Variants in MTUS1 observed in about 807,000 individuals in gnomAD.
MTUS1 encodes microtubule-associated tumor suppressor 1.
A neutral mutation model predicts 120.8 loss-of-function variants in MTUS1; 109 were observed. The ratio of observed to expected loss-of-function variants is 0.90; its 90% CI spans 0.77 to 1.06. MTUS1 has a LOEUF of 1.06. MTUS1 is among the 50% of genes least tolerant of loss of function. The pLI, the probability that MTUS1 is intolerant of heterozygous loss-of-function variation, is 0.00. For missense variants in MTUS1, 2,210 were observed against 1,486.3 expected (o/e 1.49, Z -8.01); for synonymous variants, 737 against 550.5 (o/e 1.34, Z -4.74).
chr8:17,786,540 C>A (rs76275794), intron 1 of MTUS1, among the ~76,000 whole-genome samples: 9 of 135,792 alleles, frequency 6.6e-5, no homozygotes, highest in African/African-American at 2.3e-4. Context: ...TATCTGCAAG[C>A]GACTCTTTGA....
intron 4 of MTUS1, among the ~76,000 whole-genome samples, chr8:17,717,207 C>G (rs1316831759): frequency 6.6e-6 from 1 of 152,180 alleles, no homozygotes; most frequent in Admixed American, 6.5e-5. Flanking sequence ...TAGGTCAAAT[C>G]AACACAGAGC....
intron 1 of MTUS1, among the ~76,000 whole-genome samples, chr8:17,763,270 G>A (rs967405959): frequency 3.3e-5 from 5 of 152,180 alleles, no homozygotes; most frequent in Non-Finnish European, 7.3e-5. Flanking sequence ...GATTACAGGC[G>A]TGAGCCACCA....
At chr8:17,761,986 C>T (rs1279806324) in intron 1 of MTUS1, among the ~76,000 whole-genome samples, 1 of 152,110 alleles carries the variant, frequency 6.6e-6, no homozygotes, top group Non-Finnish European at 1.5e-5. Flanking sequence ...TTACTAAAAA[C>T]GAAGCAGTTG....
rs138269717 is a variant in MTUS1 at position 17,684,730 on chromosome 8, C to T, written c.2624-188G>A. ...ACGGTTGGAATTCATGAACAGGGAC[C>T]GTGGCTTCATTTATGACTTTAAAAG... On this transcript the variant is annotated intron_variant, in intron 6 of 14. Transcript: ENST00000693296. 1.0e-3 allele frequency among the ~76,000 whole-genome samples: 154 copies of T among 152,240 alleles called. 1 individual carries two copies. Among genetic ancestry groups the T allele is most frequent in the African/African-American group, 3.4e-3 (141 of 41,538 alleles).
In MTUS1 at chr8:17,773,736, C is replaced by G. The variant is rs373153448; in HGVS notation, c.-154-17775G>C. 5.3e-5 allele frequency among the ~76,000 whole-genome samples: 8 copies of G among 152,282 alleles called. No homozygotes were observed. In the East Asian group the frequency reaches 9.6e-4, roughly 18 times the overall value. On this transcript the variant is annotated intron_variant, in intron 1 of 14. Transcript: ENST00000693296. ...ACCTCCCAAAGACTCCACCTCCAAA[C>G]ATATAAAATTTGGGAGTCACATTCA... is the stretch of plus-strand genomic sequence containing the variant.
intron 3 of MTUS1, among the ~76,000 whole-genome samples, chr8:17,733,107 T>C (rs1333453754): frequency 6.6e-6 from 1 of 152,220 alleles, no homozygotes; most frequent in South Asian, 2.1e-4. Context: ...TCCCAGCACT[T>C]TGGAAGGCCG....
At chr8:17,650,970 A>G (rs1354512379) in intron 12 of MTUS1, among the ~76,000 whole-genome samples, 1 of 152,174 alleles carries the variant, frequency 6.6e-6, no homozygotes, top group Non-Finnish European at 1.5e-5. Context: ...CTCTGGACCA[A>G]TCCTTAGGGA....
chr8:17,784,719 G>A (rs920852855), intron 1 of MTUS1, among the ~76,000 whole-genome samples: 1 of 152,062 alleles, frequency 6.6e-6, no homozygotes, highest in Non-Finnish European at 1.5e-5. Context: ...ACAGAATGGG[G>A]GCATTTCTCA....
chr8:17,748,184 C>A (rs2047915317), intron 2 of MTUS1: 2 of 152,158 alleles, frequency 1.3e-5, no homozygotes, highest in South Asian at 4.2e-4. Flanking sequence ...CAGGGTCAGG[C>A]CTGGTTAGTA....
At chr8:17,673,896 T>A (rs1389422268) in intron 8 of MTUS1, among the ~76,000 whole-genome samples, 1 of 152,040 alleles carries the variant, frequency 6.6e-6, no homozygotes, top group Non-Finnish European at 1.5e-5. Flanking sequence ...TCTCCTAGAG[T>A]TGGGTGAACA....
At chr8:17,697,428 T>C in intron 6 of MTUS1, 2 of 1,599,644 alleles carry the variant, frequency 1.3e-6, no homozygotes, top group Non-Finnish European at 1.7e-6. Context: ...TTCCATGGAC[T>C]GTCACATACT....
intron 13 of MTUS1, among the ~76,000 whole-genome samples, chr8:17,648,177 G>C (rs1410014061): frequency 1.3e-5 from 2 of 152,134 alleles, no homozygotes; most frequent in Non-Finnish European, 2.9e-5. Flanking sequence ...TGGGAAAGCT[G>C]TCTTTCTTAG....
chr8:17,653,543 G>C (rs370254370), intron 10 of MTUS1, 45 bp from the exon 11 acceptor site: 3 of 1,375,682 alleles, frequency 2.2e-6, no homozygotes, highest in Admixed American at 1.8e-5. Context: ...CATTCTATGA[G>C]ATCAATGTAC....
intron 1 of MTUS1, among the ~76,000 whole-genome samples, chr8:17,776,375 C>G (rs2050433596): frequency 6.6e-6 from 1 of 151,978 alleles, no homozygotes. Flanking sequence ...CAGAGACCTA[C>G]AGACAATACA....
At chr8:17,646,269 T>C in intron 14 of MTUS1, 130 bp from the exon 15 acceptor site, 1 of 1,041,962 alleles carries the variant, frequency 9.6e-7, no homozygotes, top group African/African-American at 1.6e-5. Flanking sequence ...CTGCACAAGG[T>C]CACAGGTATT....
At chr8:17,702,985 A>T (rs1819402997) in intron 6 of MTUS1, among the ~76,000 whole-genome samples, 1 of 152,182 alleles carries the variant, frequency 6.6e-6, no homozygotes, top group South Asian at 2.1e-4. Context: ...TTATCTTTGT[A>T]AGCTGAGGAT....
intron 8 of MTUS1, among the ~76,000 whole-genome samples, chr8:17,659,258 G>A (rs917963207): frequency 3.9e-5 from 6 of 152,204 alleles, no homozygotes; most frequent in Non-Finnish European, 7.3e-5. Context: ...GCCTCTACTG[G>A]AAGAGACAAC....
chr8:17,725,480 T>A (rs578023915), intron 3 of MTUS1, among the ~76,000 whole-genome samples: 1 of 152,340 alleles, frequency 6.6e-6, no homozygotes, highest in East Asian at 1.9e-4. Flanking sequence ...GCACATCATG[T>A]GCTATTCTAT....
intron 8 of MTUS1, among the ~76,000 whole-genome samples, chr8:17,659,372 T>A (rs1809177450): frequency 6.6e-6 from 1 of 152,140 alleles, no homozygotes; most frequent in Non-Finnish European, 1.5e-5. Flanking sequence ...TTGGTCAGAT[T>A]TTTAAAACAA....
Sources: allele counts gnomAD v4.1 joint callset (sites outside exome capture counted in the v4.1 genomes callset), GRCh38; gene constraint gnomAD v4.1.1; transcripts MANE v1.5; gene names NCBI Gene and HGNC (gene_info 2026-07-23, HGNC 2026-07-21).